The following RFX6 variants were observed in gnomAD, a reference collection of about 807,000 sequenced individuals.
The protein encoded by RFX6 is DNA-binding protein RFX6.
A neutral mutation model predicts 110.8 loss-of-function variants in RFX6; 50 were observed. The ratio of observed to expected loss-of-function variants is 0.45; its 90% CI spans 0.36 to 0.57. RFX6 has a LOEUF of 0.57. RFX6 is among the 20% of genes least tolerant of loss of function. The pLI is 0.00. For missense variants in RFX6, 990 were observed against 1,127.0 expected, an observed-to-expected ratio of 0.88 and a Z score of 1.74; for synonymous variants, 383 against 411.2, an observed-to-expected ratio of 0.93 and a Z score of 0.83.
At chr6:116,899,105 G>A (rs2114677145) in intron 6 of RFX6, among the ~76,000 whole-genome samples, 1 of 152,140 alleles carries the variant, frequency 6.6e-6, no homozygotes, top group Non-Finnish European at 1.5e-5. Flanking sequence ...AATTTAAATG[G>A]CATGAGCCAG....
chr6:116,918,766 C>A (rs1327496831), intron 10 of RFX6, among the ~76,000 whole-genome samples: 1 of 151,982 alleles, frequency 6.6e-6, no homozygotes, highest in Non-Finnish European at 1.5e-5. Flanking sequence ...CCTTTTCCTC[C>A]AGATTATTTC....
chr6:116,904,374 T>G (rs1775148266), intron 6 of RFX6, among the ~76,000 whole-genome samples: 1 of 152,098 alleles, frequency 6.6e-6, no homozygotes, highest in Non-Finnish European at 1.5e-5. Context: ...GGTTAGTACT[T>G]TTTATATCTT....
chr6:116,913,381 C>T (rs957470735), intron 7 of RFX6, among the ~76,000 whole-genome samples: 8 of 152,092 alleles, frequency 5.3e-5, no homozygotes, highest in African/African-American at 1.9e-4. Context: ...TTCTTTAAGG[C>T]CGAAAGAATG....
At chr6:116,889,527 T>C (rs1774774600) in intron 4 of RFX6, among the ~76,000 whole-genome samples, 1 of 151,964 alleles carries the variant, frequency 6.6e-6, no homozygotes, top group Admixed American at 6.6e-5. Context: ...AGGCAAAGCT[T>C]CATGTGTTAA....
chr6:116,900,510 C>T (rs1004566150), intron 6 of RFX6, among the ~76,000 whole-genome samples: 1 of 152,108 alleles, frequency 6.6e-6, no homozygotes. Flanking sequence ...CTACCTCAGC[C>T]TTCCAAAGTG....
At chr6:116,895,135 C>T (rs779458565) in intron 5 of RFX6, 45 bp from the exon 6 acceptor site, 1 of 1,047,514 alleles carries the variant, frequency 9.5e-7, no homozygotes, top group South Asian at 1.3e-5. Flanking sequence ...AATGCTATAG[C>T]TGTAATTTTG....
chr6:116,921,179 A>T (rs886837489), intron 12 of RFX6, among the ~76,000 whole-genome samples: 1 of 152,158 alleles, frequency 6.6e-6, no homozygotes, highest in Non-Finnish European at 1.5e-5. Flanking sequence ...CTGGGGCCCA[A>T]TCTCAACTCC....
At chr6:116,923,011 T>G in intron 13 of RFX6, 96 bp from the exon 14 acceptor site, 1 of 775,124 alleles carries the variant, frequency 1.3e-6, no homozygotes, top group Non-Finnish European at 2.4e-6. Flanking sequence ...ATCTGTCCAT[T>G]TGTTAGACAG....
At chr6:116,914,209 A>G (rs769306152) in intron 7 of RFX6, among the ~76,000 whole-genome samples, 2 of 151,968 alleles carry the variant, frequency 1.3e-5, no homozygotes, top group Non-Finnish European at 2.9e-5. Flanking sequence ...GGCTTATTCT[A>G]CTTAACATAA....
Position 116,920,307 on chromosome 6 carries a change from C to G in RFX6, c.1183-3C>G. On this transcript the variant is annotated splice_region_variant and splice_polypyrimidine_tract_variant and intron_variant, in intron 11 of 18. Transcript: ENST00000332958. ...TAGTGTCTTCTTTACTTTCTCTATG[C>G]AGATTGCCAGACCAGCTCTCTTTGA... The G allele has an allele frequency of 1.2e-6, 2 of 1,607,700 alleles. No individual in the cohort carries two copies. Among genetic ancestry groups the G allele is most frequent in the Non-Finnish European group, 1.7e-6 (2 of 1,174,220 alleles).
chr6:116,898,634 G>A (rs1775001057), intron 6 of RFX6, among the ~76,000 whole-genome samples: 1 of 152,156 alleles, frequency 6.6e-6, no homozygotes, highest in Non-Finnish European at 1.5e-5. Context: ...TCAGTGTAGA[G>A]GAATTGGCCC....
rs778602021 is a variant in RFX6, at chr6:116,924,767, T to C, written c.1654T>C (p.Leu552=). 6.3e-7 allele frequency: 1 copy of C among 1,590,400 alleles called. No homozygotes were observed. The highest frequency in any genetic ancestry group is 8.6e-7 in the Non-Finnish European group (1 of 1,158,410). ...NDKEQELQNL[L]DKYMKNSDAS... ...CAAAGAGCAGGAGTTACAGAATTTA[T>C]TGGACAAGTATATGAAGAATTCAGG... The change falls in exon 15 of 19, where the codon TTG becomes CTG. Residue 552 remains leucine, a synonymous_variant. Transcript: ENST00000332958.
chr6:116,898,416 A>G (rs1297288491), intron 6 of RFX6, among the ~76,000 whole-genome samples: 1 of 151,926 alleles, frequency 6.6e-6, no homozygotes, highest in Non-Finnish European at 1.5e-5. Flanking sequence ...TGCAGCCTCA[A>G]CCTCCTGGGC....
chr6:116,879,536 G>A (rs1331210574), intron 2 of RFX6, among the ~76,000 whole-genome samples: 1 of 151,290 alleles, frequency 6.6e-6, no homozygotes, highest in African/African-American at 2.4e-5. Flanking sequence ...ACCTGTTCAG[G>A]GAATACTTTC....
At position 116,900,340 on chromosome 6, in the gene RFX6, C is replaced by T. The variant is rs150154028; in HGVS notation, c.672+5133C>T. Among the ~76,000 whole-genome samples, 440 of 152,104 alleles carry T rather than the reference C, an allele frequency of 2.9e-3. 2 individuals carry two copies. The highest frequency in any genetic ancestry group is 8.8e-3 in the African/African-American group (367 of 41,518). On this transcript the variant is annotated intron_variant, in intron 6 of 18. Transcript: ENST00000332958. Reference sequence around the variant, plus strand: ...GCGTGATATGGCTCATTGCAACCTGCGTCTCCAGTGTTCAAGTGATTCTTC... The same window carrying T: ...GCGTGATATGGCTCATTGCAACCTGTGTCTCCAGTGTTCAAGTGATTCTTC...
chr6:116,930,747 G>A (rs889802174), intron 18 of RFX6, among the ~76,000 whole-genome samples: 1 of 152,158 alleles, frequency 6.6e-6, no homozygotes, highest in Non-Finnish European at 1.5e-5. Context: ...AATGGGCAGA[G>A]AGCAGGCCAG....
chr6:116,883,057 T>G (rs992136007), intron 4 of RFX6, among the ~76,000 whole-genome samples: 1 of 152,182 alleles, frequency 6.6e-6, no homozygotes, highest in African/African-American at 2.4e-5. Context: ...CAGTTTCTCC[T>G]TTCCTTCTGC....
chr6:116,915,976 G>A (rs769365482), intron 7 of RFX6, 32 bp from the exon 8 acceptor site: 3 of 1,437,436 alleles, frequency 2.1e-6, no homozygotes, highest in East Asian at 4.6e-5. Context: ...TTAAAAGGAT[G>A]CTTTGGTTAA....
Position 116,931,412 on chromosome 6 carries a change from C to A in RFX6, c.2693C>A (p.Thr898Asn). 6.2e-7 allele frequency: 1 copy of A among 1,612,016 alleles called. No homozygotes were observed. Among genetic ancestry groups the A allele is most frequent in the South Asian group, 1.1e-5 (1 of 91,018 alleles). Reference protein sequence around the residue: ...GTSNQYPAQETLDSHGTSSRE... With the variant: ...GTSNQYPAQENLDSHGTSSRE... ...TCCAACCAGTATCCAGCTCAAGAAACCCTGGACTCCCATGGAACAAGCAGT... is the reference window on the plus strand; with the variant it reads ...TCCAACCAGTATCCAGCTCAAGAAAACCTGGACTCCCATGGAACAAGCAGT... The change falls in exon 19 of 19, where the codon ACC becomes AAC. Residue 898 changes from threonine to asparagine, a missense_variant. Coordinates refer to ENST00000332958, the MANE Select transcript of RFX6 (RefSeq NM_173560.4).
Sources: gnomAD v4.1 joint callset for allele counts (sites outside exome capture counted in the v4.1 genomes callset) on GRCh38, gnomAD v4.1.1 for gene constraint, MANE v1.5 for transcripts, NCBI Gene and HGNC (gene_info 2026-07-23, HGNC 2026-07-21) for gene names.